RTL1: variants seen among roughly 807,000 people sequenced by gnomAD.
RTL1 encodes the protein retrotransposon-like protein 1.
For synonymous variants in RTL1, 727 were observed against 748.4 expected, an observed-to-expected ratio of 0.97 and a Z score of 0.47; for missense variants, 1,681 against 1,767.5, an observed-to-expected ratio of 0.95 and a Z score of 0.88.
chr14:100,883,415 C>G lies in RTL1; in HGVS notation c.1374G>C (p.Pro458=). The change falls in exon 4 of 4, where the codon CCG becomes CCC. Residue 458 remains proline (P), a synonymous_variant. Transcript: ENST00000649591. The surrounding 1 kb of genome is among the most constrained non-coding windows in gnomAD (Gnocchi z 5.9). ...VELYEKPYPQ[P]VQSVDGSLIG... ...TCAGCGAGCCGTCCACGGATTGGAC[C>G]GGCTGTGGGTACGGCTTCTCGTAGA... 1 of 1,550,156 alleles carries G rather than the reference C, an allele frequency of 6.5e-7. No homozygotes were observed. Among genetic ancestry groups the G allele is most frequent in the East Asian group, 2.4e-5 (1 of 40,838 alleles).
Position 100,884,876 on chromosome 14 carries a change from T to C in RTL1, c.-86-2A>G. On this transcript the variant is annotated splice_acceptor_variant, in intron 3 of 3. Transcript: ENST00000649591. LOFTEE classifies it low-confidence loss of function (5UTR_SPLICE). ...AGCTGGGACCGTGGAGATCAGAACC[T>C]GGTGGTGGAAGGGGAGTGTGGGGAG... The C allele has an allele frequency of 3.9e-6, 5 of 1,284,376 alleles. No individual in the cohort carries two copies. Among genetic ancestry groups the C allele is most frequent in the Non-Finnish European group, 5.3e-6 (5 of 937,208 alleles). 79.6% of individuals were successfully genotyped at this position (1,284,376 alleles called of 1,614,324 possible).
intron 3 of RTL1, among the ~76,000 whole-genome samples, chr14:100,891,650 G>A (rs577864374): frequency 5.9e-5 from 9 of 152,228 alleles, no homozygotes; most frequent in East Asian, 1.9e-4. Flanking sequence ...TGCCGCCTGC[G>A]GGAGGGGCTG....
rs1312443707 is a variant in RTL1, at chr14:100,881,857, T to G, written c.2932A>C (p.Asn978His). Residue 978 changes from asparagine to histidine, a missense_variant, in exon 4 of 4, where the codon AAC (asparagine) becomes CAC (histidine). Asn to His is a moderately conservative substitution (Grantham distance 68). Transcript: ENST00000649591. The surrounding 1 kb of genome is among the most constrained non-coding windows in gnomAD (Gnocchi z 6.6). ...TCTGGCAGCTCCATGACGTCAAAGT[T>G]GAAGTGGGAGAAGAAGAAGACCCAA... ...GHWVFFFSHF[N>H]FDVMELPEQD... 2.5e-6 allele frequency: 4 copies of G among 1,613,638 alleles called. No homozygotes were observed. The highest frequency in any genetic ancestry group is 3.4e-6 in the Non-Finnish European group (4 of 1,180,002).
chr14:100,891,796 G>T (rs1305232003), intron 3 of RTL1, among the ~76,000 whole-genome samples: 1 of 152,160 alleles, frequency 6.6e-6, no homozygotes, highest in African/African-American at 2.4e-5. Flanking sequence ...TAGCCTAGAT[G>T]GGCTCTGACT....
chr14:100,897,777 G>GGGGGGT (rs1566760928), intron 2 of RTL1: 1 of 135,408 alleles, frequency 7.4e-6, no homozygotes, highest in Non-Finnish European at 1.5e-5. Flanking sequence ...GGGGTGGGGG[G>GGGGGGT]CGGGGGGGGG....
chr14:100,901,683 C>T (rs1252549780), intron 2 of RTL1, among the ~76,000 whole-genome samples: 1 of 152,224 alleles, frequency 6.6e-6, no homozygotes, highest in African/African-American at 2.4e-5. Flanking sequence ...AGAGAGGACA[C>T]AGGCCAGCCT....
intron 3 of RTL1, among the ~76,000 whole-genome samples, chr14:100,888,360 C>T (rs2140042480): frequency 6.6e-6 from 1 of 152,236 alleles, no homozygotes; most frequent in South Asian, 2.1e-4. Context: ...ACATAAAGTC[C>T]CAACTACTTA....
rs1361493528 is a variant in RTL1 at position 100,882,828 on chromosome 14, A to C, written c.1961T>G (p.Phe654Cys). ...CCACTCGGCTCCGTGTAACTGGTCA[A>C]ACAGTTCCGGAATCATCTGTATGTA... ...QDYIQMIPEL[F>C]DQLHGAEWFT... The change falls in exon 4 of 4, where the codon TTT becomes TGT. Residue 654 changes from phenylalanine to cysteine, a missense_variant. Transcript: ENST00000649591. 1.9e-6 allele frequency: 3 copies of C among 1,552,530 alleles called. No individual in the cohort carries two copies. The highest frequency in any genetic ancestry group is 2.7e-5 in the African/African-American group (2 of 73,092).
chr14:100,894,350 C>T (rs1595342639), intron 2 of RTL1, among the ~76,000 whole-genome samples: 2 of 150,672 alleles, frequency 1.3e-5, no homozygotes, highest in Non-Finnish European at 3.0e-5. Context: ...AAGAAAAAAA[C>T]GTGTATTTGA....
At chr14:100,898,521 G>A (rs575425805) in intron 2 of RTL1, among the ~76,000 whole-genome samples, 29 of 152,226 alleles carry the variant, frequency 1.9e-4, no homozygotes, top group Non-Finnish European at 4.0e-4. Context: ...GCCTCCATCT[G>A]ACTTCCTGGA....
chr14:100,897,550 T>C (rs1479210053), intron 2 of RTL1: 1 of 152,168 alleles, frequency 6.6e-6, no homozygotes, highest in African/African-American at 2.4e-5. Context: ...ACTTTGTTTA[T>C]TTTTTACATA....
chr14:100,882,057 G>A lies in RTL1; in HGVS notation c.2732C>T (p.Ser911Phe). ...ACCAFYSRNI[S>F]PIEVEYSQAE... ...TTGAGAGTACTCAACCTCGATAGGG[G>A]AGATGTTGCGGGAGTAGAAAGCGCA... Residue 911 changes from serine to phenylalanine, a missense_variant, in exon 4 of 4, where the codon TCC becomes TTC. Ser to Phe is a radical substitution (Grantham distance 155, BLOSUM62 -2). Coordinates refer to ENST00000649591, the MANE Select transcript of RTL1 (RefSeq NM_001134888.3). 1 of 1,610,820 alleles carries A rather than the reference G, an allele frequency of 6.2e-7. No individual in the cohort carries two copies. The highest frequency in any genetic ancestry group is 8.5e-7 in the Non-Finnish European group (1 of 1,178,432).
chr14:100,902,944 C>T (rs865900210), intron 2 of RTL1, among the ~76,000 whole-genome samples: 7 of 152,090 alleles, frequency 4.6e-5, no homozygotes, highest in South Asian at 2.1e-4. Flanking sequence ...CCAATACAAA[C>T]GGGAACCTCT....
In RTL1 at chr14:100,881,435, G is replaced by A; in HGVS notation, c.3354C>T (p.Pro1118=). Residue 1118 remains proline (P), a synonymous_variant, in exon 4 of 4, where the codon CCC becomes CCT. Coordinates refer to ENST00000649591, the MANE Select transcript of RTL1 (RefSeq NM_001134888.3). This position sits in a 1 kb window ranked among gnomAD's most constrained non-coding sequence, Gnocchi z 6.6. The stretch of plus-strand genomic sequence containing the variant: ...TGAGTCGTAGGGAGCGCTGGGGCTG[G>A]GGCCGAGCCACCCGCATGGCGGGTG... The part of the protein sequence containing the change: ...RPAPAMRVAR[P]QPQRSLRLIL... 6.4e-7 allele frequency: 1 copy of A among 1,550,820 alleles called. No homozygotes were observed.
chr14:100,882,971 G>T lies in RTL1; in HGVS notation c.1818C>A (p.Thr606=). 2 of 1,614,080 alleles carry T rather than the reference G, an allele frequency of 1.2e-6. No individual in the cohort carries two copies. Among genetic ancestry groups the T allele is most frequent in the Non-Finnish European group, 1.7e-6 (2 of 1,180,018 alleles). Residue 606 remains threonine (T), a synonymous_variant, in exon 4 of 4, where the codon ACC becomes ACA. Coordinates refer to ENST00000649591, the MANE Select transcript of RTL1 (RefSeq NM_001134888.3). ...QQAGDSDHSE[T]FYECPSTAPW... is the part of the protein sequence containing the mutation. ...GCGCGGTGGAGGGACACTCGTAAAAGGTCTCGCTGTGATCACTGTCTCCAG... is the reference window on the plus strand; with the variant it reads ...GCGCGGTGGAGGGACACTCGTAAAATGTCTCGCTGTGATCACTGTCTCCAG...
chr14:100,881,986 A>G lies in RTL1; in HGVS notation c.2803T>C (p.Cys935Arg), dbSNP rs1241025352. The stretch of plus-strand genomic sequence containing the variant: ...TCCTCGGTGTTCTCCAGGTAGCGGC[A>G]CCACACCATGAAGGCAGCCCGTATT... ...LPIRAAFMVW[C>R]RYLENTEEPI... Residue 935 changes from cysteine (C) to arginine (R), a missense_variant, in exon 4 of 4, where the codon TGC becomes CGC. By Grantham distance (180) the Cys-to-Arg change is radical. Coordinates refer to ENST00000649591, the MANE Select transcript of RTL1 (RefSeq NM_001134888.3). The surrounding 1 kb of genome is among the most constrained non-coding windows in gnomAD (Gnocchi z 6.6). 1.2e-6 allele frequency: 2 copies of G among 1,613,738 alleles called. No homozygotes were observed. Among genetic ancestry groups the G allele is most frequent in the Admixed American group, 3.3e-5 (2 of 60,018 alleles).
intron 2 of RTL1, chr14:100,897,755 G>GGGGGGT: frequency 7.5e-6 from 1 of 132,642 alleles, no homozygotes; most frequent in South Asian, 1.2e-4. Flanking sequence ...GGTTGGCGGG[G>GGGGGGT]GGGGGGGTGG....
rs1884428782 is a variant in RTL1 at position 100,882,420 on chromosome 14, T to C, written c.2369A>G (p.Asn790Ser). ...FVVTPKGVKL[N>S]KNVMTIITGY... ...TGTTATGATGGTCATGACGTTCTTG[T>C]TCAGTTTCACCCCTTTGGGGGTGAC... The change falls in exon 4 of 4, where the codon AAC (asparagine) becomes AGC (serine). Residue 790 changes from asparagine to serine, a missense_variant. Asn to Ser is a conservative substitution (Grantham distance 46). Transcript: ENST00000649591. The C allele has an allele frequency of 3.9e-6, 6 of 1,552,000 alleles. No homozygotes were observed. The highest frequency in any genetic ancestry group is 5.2e-6 in the Non-Finnish European group (6 of 1,147,078).
In RTL1 at chr14:100,883,025, A is replaced by G; in HGVS notation, c.1764T>C (p.Ser588=). The change falls in exon 4 of 4, where the codon TCT becomes TCC. Residue 588 remains serine, a synonymous_variant. Coordinates refer to ENST00000649591, the MANE Select transcript of RTL1 (RefSeq NM_001134888.3). This position sits in a 1 kb window ranked among gnomAD's most constrained non-coding sequence, Gnocchi z 5.9. ...QPSSDGSDDL[S]ESEPSELQQA... ...GCTGAAGCTCAGAGGGCTCTGATTC[A>G]GAAAGATCATCGGATCCGTCTGAGC... 6.2e-7 allele frequency: 1 copy of G among 1,614,186 alleles called. No homozygotes were observed. The highest frequency in any genetic ancestry group is 8.5e-7 in the Non-Finnish European group (1 of 1,180,044).
Sources: allele counts gnomAD v4.1 joint callset (sites outside exome capture counted in the v4.1 genomes callset), GRCh38; gene constraint gnomAD v4.1.1; non-coding constraint Gnocchi (gnomAD v3.1); transcripts MANE v1.5; gene names NCBI Gene and HGNC (gene_info 2026-07-23, HGNC 2026-07-21).